Variants in PPP4R1 observed in about 807,000 individuals in gnomAD.
PPP4R1 encodes the protein serine/threonine-protein phosphatase 4 regulatory subunit 1.
PPP4R1 carries 42 observed loss-of-function variants against 111.2 expected under a neutral mutation model. The observed-to-expected ratio is 0.38, with a 90% CI of 0.29 to 0.49. PPP4R1 has a LOEUF of 0.49. PPP4R1 is among the 20% of genes least tolerant of loss of function. The pLI is 0.97. For synonymous variants in PPP4R1, 409 were observed against 405.5 expected (o/e 1.01, Z -0.10); for missense variants, 1,012 against 1,161.6 (o/e 0.87, Z 1.87).
At chr18:9,564,143 G>A (rs560924321) in intron 11 of PPP4R1, among the ~76,000 whole-genome samples, 1 of 152,232 alleles carries the variant, frequency 6.6e-6, no homozygotes, top group Admixed American at 6.5e-5. Context: ...ACCAGGCAGT[G>A]GTTCAAAAAT....
At chr18:9,586,301 T>C (rs987846053) in intron 6 of PPP4R1, among the ~76,000 whole-genome samples, 5 of 152,062 alleles carry the variant, frequency 3.3e-5, no homozygotes, top group African/African-American at 1.2e-4. Context: ...ATTGTAATGT[T>C]TTACTAATTT....
chr18:9,551,796 C>T (rs930468330), intron 16 of PPP4R1: 3 of 152,328 alleles, frequency 2.0e-5, no homozygotes, highest in Admixed American at 1.3e-4. Flanking sequence ...GAGGTCCCAC[C>T]CATTACGCAG....
At chr18:9,580,796 T>A (rs182502366) in intron 9 of PPP4R1, among the ~76,000 whole-genome samples, 180 of 152,296 alleles carry the variant, frequency 1.2e-3, no homozygotes, top group African/African-American at 4.1e-3. Context: ...CAGTCCTGAG[T>A]GAGAGCAGCT....
intron 9 of PPP4R1, among the ~76,000 whole-genome samples, chr18:9,580,189 G>C (rs1472957350): frequency 6.6e-6 from 1 of 152,168 alleles, no homozygotes; most frequent in Non-Finnish European, 1.5e-5. Context: ...ATGACGGTGT[G>C]AGGAGCTCAG....
Position 9,614,076 on chromosome 18 carries a change from T to G in PPP4R1, c.52+150A>C, listed in dbSNP as rs1368788868. 1 of 574,618 alleles carries G rather than the reference T, an allele frequency of 1.7e-6. No individual in the cohort carries two copies. The allele number at this position is 574,618 out of a possible 1,614,324, so 35.6% of individuals were successfully genotyped here. On this transcript the variant is annotated intron_variant, in intron 2 of 19. Transcript: ENST00000400556. This position sits in a 1 kb window ranked among gnomAD's most constrained non-coding sequence, Gnocchi z 4.1. ...CCGTTTCCTCACGGACGCGAGATTT[T>G]CCCCCCCGATCGCCACCCCAGCCCG...
At position 9,570,614 on chromosome 18, in the gene PPP4R1, A is replaced by G; in HGVS notation, c.1116T>C (p.Val372=). The part of the protein sequence containing the change: ...RPEDTPSDLS[V]SNSSVILENT... Reference sequence around the variant, plus strand: ...TTTCCAGTATGACACTGGAATTACTAACACTGAGATCTGAAGGAGTATCCT... The same window carrying G: ...TTTCCAGTATGACACTGGAATTACTGACACTGAGATCTGAAGGAGTATCCT... The change falls in exon 11 of 20, where the codon GTT becomes GTC. Residue 372 remains valine (V), a synonymous_variant. Coordinates refer to ENST00000400556, the MANE Select transcript of PPP4R1 (RefSeq NM_001042388.3). 2 of 1,613,956 alleles carry G rather than the reference A, an allele frequency of 1.2e-6. No homozygotes were observed. Among genetic ancestry groups the G allele is most frequent in the Non-Finnish European group, 1.7e-6 (2 of 1,179,954 alleles).
intron 9 of PPP4R1, among the ~76,000 whole-genome samples, chr18:9,580,494 C>T (rs1051640851): frequency 5.9e-5 from 9 of 152,138 alleles, no homozygotes; most frequent in South Asian, 4.1e-4. Context: ...GGACTACAGG[C>T]GCCCGCCACC....
Position 9,583,271 on chromosome 18 carries a change from G to A in PPP4R1, c.764C>T (p.Pro255Leu), listed in dbSNP as rs376669408. ...ATCAGAACAAAGCTGGAAAAATCTGGGCAGCTATGTGAAAAGGAAAGAGTC... is the reference window on the plus strand; with the variant it reads ...ATCAGAACAAAGCTGGAAAAATCTGAGCAGCTATGTGAAAAGGAAAGAGTC... ...GQQATEEMLL[P>L]RFFQLCSDNV... The change falls in exon 9 of 20, where the codon CCC becomes CTC. Residue 255 changes from proline (P) to leucine (L), a missense_variant. Physicochemically the swap from Pro to Leu is moderately conservative, Grantham distance 98 (BLOSUM62 -3). Around this residue, in one of 2 missense-constraint regions of PPP4R1, gnomAD observed 707 missense variants for 742.1 expected, o/e 0.95. Coordinates refer to ENST00000400556, the MANE Select transcript of PPP4R1 (RefSeq NM_001042388.3). 3 of 1,557,536 alleles carry A rather than the reference G, an allele frequency of 1.9e-6. No homozygotes were observed. The highest frequency in any genetic ancestry group is 2.7e-5 in the African/African-American group (2 of 73,098).
intron 4 of PPP4R1, chr18:9,589,915 A>C (rs1334408599): frequency 1.3e-5 from 2 of 152,362 alleles, no homozygotes; most frequent in Non-Finnish European, 2.9e-5. Flanking sequence ...AACAAACAAA[A>C]AAACTTTATT....
Position 9,557,210 on chromosome 18 carries a change from T to G in PPP4R1, c.2190+11A>C, listed in dbSNP as rs1715343507. ...TTGTTGTGTTTTTATGCAAAAAAAT[T>G]TAAAAGTTACCTTCAGAAAATCATG... On this transcript the variant is annotated intron_variant, in intron 15 of 19. Transcript: ENST00000400556. 1.9e-6 allele frequency: 3 copies of G among 1,562,666 alleles called. No homozygotes were observed. Among genetic ancestry groups the G allele is most frequent in the Non-Finnish European group, 2.6e-6 (3 of 1,160,688 alleles).
At chr18:9,596,341 T>A (rs1012505559) in intron 2 of PPP4R1, among the ~76,000 whole-genome samples, 3 of 152,296 alleles carry the variant, frequency 2.0e-5, no homozygotes, top group Middle Eastern at 3.4e-3. Flanking sequence ...CCAAGAAATT[T>A]TTATTATTAT....
upstream of PPP4R1, chr18:9,614,649 G>C (rs1028751483): frequency 4.4e-5 from 8 of 180,480 alleles, no homozygotes; most frequent in Non-Finnish European, 8.0e-5. The surrounding 1 kb of genome is among the most constrained non-coding windows in gnomAD (Gnocchi z 4.1). Context: ...GGCCTGCCGC[G>C]GGCGGCGCGG....
At chr18:9,605,867 C>A (rs1047389104) in intron 2 of PPP4R1, among the ~76,000 whole-genome samples, 3 of 152,122 alleles carry the variant, frequency 2.0e-5, no homozygotes, top group African/African-American at 7.2e-5. Context: ...TTAGGAGACA[C>A]AGGCTAAAGG....
intron 13 of PPP4R1, among the ~76,000 whole-genome samples, chr18:9,559,904 A>C (rs192524068): frequency 1.3e-3 from 205 of 152,352 alleles, no homozygotes; most frequent in African/African-American, 4.8e-3. Context: ...ATAACACCAG[A>C]GCCTTTTAAA....
chr18:9,603,774 C>T (rs535210482), intron 2 of PPP4R1, among the ~76,000 whole-genome samples: 1 of 152,280 alleles, frequency 6.6e-6, no homozygotes, highest in African/African-American at 2.4e-5. Context: ...TGTGAGCCAC[C>T]TTGCCTGACA....
At chr18:9,550,804 C>G (rs1319295890) in intron 16 of PPP4R1, 3 of 165,548 alleles carry the variant, frequency 1.8e-5, no homozygotes, top group African/African-American at 7.2e-5. Flanking sequence ...CCACTGTGTA[C>G]CTGTCGAGGC....
At chr18:9,594,954 T>G (rs2067268006) in intron 3 of PPP4R1, 64 bp downstream of exon 3, 1 of 1,552,802 alleles carries the variant, frequency 6.4e-7, no homozygotes. Context: ...ACTTTCATTT[T>G]CCCTACTGAA....
intron 2 of PPP4R1, among the ~76,000 whole-genome samples, chr18:9,600,457 G>A (rs2067362943): frequency 6.6e-6 from 1 of 151,528 alleles, no homozygotes; most frequent in Non-Finnish European, 1.5e-5. Context: ...CATTTAAAAG[G>A]CAAAGATTAT....
chr18:9,561,232 A>ATTATTATT (rs2066670364), intron 13 of PPP4R1, among the ~76,000 whole-genome samples: 16 of 146,882 alleles, frequency 1.1e-4, no homozygotes, highest in Non-Finnish European at 2.1e-4. Flanking sequence ...TAATAATAAT[A>ATTATTATT]ATAATAATAA....
Sources: gnomAD v4.1 joint callset for allele counts (sites outside exome capture counted in the v4.1 genomes callset) on GRCh38, gnomAD v4.1.1 for gene constraint, gnomAD v4.1.1 regional missense constraint, Gnocchi (gnomAD v3.1) non-coding constraint, MANE v1.5 for transcripts, NCBI Gene and HGNC (gene_info 2026-07-23, HGNC 2026-07-21) for gene names.